Variants in ZNF615 observed in about 807,000 individuals in gnomAD.
ZNF615 encodes the protein zinc finger protein 615.
ZNF615 carries 15 observed loss-of-function variants against 15.3 expected under a neutral mutation model. That is an observed-to-expected ratio of 0.98 (90% CI 0.66 to 1.51). ZNF615 has a LOEUF of 1.51. Ranked by LOEUF, ZNF615 falls within the 40% of genes most tolerant of loss-of-function variation. The pLI is 0.00. For missense variants in ZNF615, 848 were observed against 895.9 expected (o/e 0.95, Z 0.68); for synonymous variants, 268 against 294.6 (o/e 0.91, Z 0.92).
Position 51,993,909 on chromosome 19 carries a change from T to C in ZNF615, c.1200A>G (p.Thr400=). ...KGFTLKNSLI[T]HQQTHTGEKL... is the part of the protein sequence containing the mutation. ...TCTCTCCTGTATGAGTTTGCTGATG[T>C]GTGATAAGACTGTTCTTCAAGGTGA... Residue 400 remains threonine (T), a synonymous_variant, in exon 7 of 7, where the codon ACA becomes ACG. Transcript: ENST00000598071. 3.1e-6 allele frequency: 5 copies of C among 1,614,164 alleles called. No homozygotes were observed. Among genetic ancestry groups the C allele is most frequent in the Non-Finnish European group, 4.2e-6 (5 of 1,180,012 alleles).
rs774667903 is a variant in ZNF615 at position 51,993,622 on chromosome 19, A to G, written c.1487T>C (p.Ile496Thr). 29 of 1,613,728 alleles carry G rather than the reference A, an allele frequency of 1.8e-5. No individual in the cohort carries two copies. In the Middle Eastern group the frequency reaches 4.9e-4, roughly 27 times the overall value. ...GAAGCCTTTTCCACAATCATTGCATATATATGGCTTCTCTGCAGTATGAGT... is the reference window on the plus strand; with the variant it reads ...GAAGCCTTTTCCACAATCATTGCATGTATATGGCTTCTCTGCAGTATGAGT... ...QRTHTAEKPY[I>T]CNDCGKGFTV... Residue 496 changes from isoleucine (I) to threonine (T), a missense_variant, in exon 7 of 7, where the codon ATA becomes ACA. By Grantham distance (89) the Ile-to-Thr change is moderately conservative. Coordinates refer to ENST00000598071, the MANE Select transcript of ZNF615 (RefSeq NM_001199324.2).
intron 6 of ZNF615, 29 bp downstream of exon 6, chr19:52,000,317 G>C (rs2086554474): frequency 1.7e-6 from 1 of 602,612 alleles, no homozygotes; most frequent in Non-Finnish European, 3.0e-6. Flanking sequence ...TGAATCCTCG[G>C]CATCAGGCAA....
chr19:52,001,616 C>CAAAAAA (rs200193378), intron 5 of ZNF615, among the ~76,000 whole-genome samples, 197 bp downstream of exon 5: 1 of 105,360 alleles, frequency 9.5e-6, no homozygotes, highest in Non-Finnish European at 2.2e-5. Flanking sequence ...GACTCCATCT[C>CAAAAAA]AAAAAAAAAA....
chr19:52,000,114 A>G, intron 6 of ZNF615: 1 of 379,954 alleles, frequency 2.6e-6, no homozygotes, highest in Non-Finnish European at 4.7e-6. Flanking sequence ...AAGTGAAATA[A>G]CTCAGAAACA....
intron 4 of ZNF615, 75 bp downstream of exon 4, chr19:52,002,080 A>G: frequency 6.2e-7 from 1 of 1,614,014 alleles, no homozygotes; most frequent in Non-Finnish European, 8.5e-7. Context: ...ACTTCAGAGT[A>G]CTGCAGGTAA....
Position 51,991,561 on chromosome 19 carries a change from A to G in ZNF615, c.*1319T>C, listed in dbSNP as rs1247306701. ...AAAAGGGTACATGCTGTATGATTCC[A>G]TTTTTATAACATGCTACTAATGACA... is the stretch of plus-strand genomic sequence containing the variant. On this transcript the variant is annotated 3_prime_UTR_variant, in exon 7 of 7. Transcript: ENST00000598071. 2.0e-5 allele frequency: 3 copies of G among 152,210 alleles called. No individual in the cohort carries two copies. The highest frequency in any genetic ancestry group is 7.2e-5 in the African/African-American group (3 of 41,448). 9.4% of individuals were successfully genotyped at this position (152,210 alleles called of 1,614,324 possible).
chr19:51,995,737 AT>A (rs1442818962), intron 6 of ZNF615, among the ~76,000 whole-genome samples: 2 of 151,700 alleles, frequency 1.3e-5, no homozygotes, highest in South Asian at 4.2e-4. Flanking sequence ...CACCCAGCTA[AT>A]TTTTTGTATT....
rs1324032167 is a variant in ZNF615 at position 51,993,091 on chromosome 19, A to T, written c.2018T>A (p.Leu673Ter). ...FACTECGKFSLRKNDLITHQR... is the reference protein window; with the variant it reads ...FACTECGKFS ...ATGTGTAATAAGATCATTTTTGCGC[A>T]AAGAGAATTTTCCACATTCAGTACA... is the stretch of plus-strand genomic sequence containing the variant. The change falls in exon 7 of 7, where the codon TTG (leucine) becomes TAG (stop). Residue 673 changes from leucine to a stop codon, truncating the protein, a stop_gained. Coordinates refer to ENST00000598071, the MANE Select transcript of ZNF615 (RefSeq NM_001199324.2). LOFTEE classifies it low-confidence loss of function (END_TRUNC). 3 of 1,614,044 alleles carry T rather than the reference A, an allele frequency of 1.9e-6. No individual in the cohort carries two copies. The highest frequency in any genetic ancestry group is 2.5e-6 in the Non-Finnish European group (3 of 1,180,020).
rs1384865814 is a variant in ZNF615 at position 51,993,885 on chromosome 19, C to T, written c.1224G>A (p.Glu408=). The part of the protein sequence containing the change: ...LITHQQTHTG[E]KLYTCSECGK... ...CACATTCACTACATGTATATAATTTCTCTCCTGTATGAGTTTGCTGATGTG... is the reference window on the plus strand; with the variant it reads ...CACATTCACTACATGTATATAATTTTTCTCCTGTATGAGTTTGCTGATGTG... The change falls in exon 7 of 7, where the codon GAG becomes GAA. Residue 408 remains glutamate, a synonymous_variant. Transcript: ENST00000598071. 8 of 1,614,014 alleles carry T rather than the reference C, an allele frequency of 5.0e-6. No individual in the cohort carries two copies. Among genetic ancestry groups the T allele is most frequent in the African/African-American group, 1.3e-5 (1 of 74,912 alleles).
At chr19:51,994,936 A>G (rs1190301024) in intron 6 of ZNF615, 99 bp from the exon 7 acceptor site, 3 of 1,099,928 alleles carry the variant, frequency 2.7e-6, no homozygotes, top group Non-Finnish European at 3.7e-6. Context: ...GTGACTCTTT[A>G]GTGAAAACCC....
Position 51,994,313 on chromosome 19 carries a change from T to C in ZNF615, c.796A>G (p.Thr266Ala). 6.2e-7 allele frequency: 1 copy of C among 1,614,200 alleles called. No homozygotes were observed. The highest frequency in any genetic ancestry group is 8.5e-7 in the Non-Finnish European group (1 of 1,180,022). ...SRLMDHQRTH[T>A]ELKHYECTEC... The stretch of plus-strand genomic sequence containing the variant: ...GTGCATTCATAATGTTTCAGTTCTG[T>C]ATGAGTTCTCTGATGGTCCATTAGT... The change falls in exon 7 of 7, where the codon ACA becomes GCA. Residue 266 changes from threonine (T) to alanine (A), a missense_variant. Thr to Ala is a moderately conservative substitution (Grantham distance 58). Coordinates refer to ENST00000598071, the MANE Select transcript of ZNF615 (RefSeq NM_001199324.2).
At position 51,994,042 on chromosome 19, in the gene ZNF615, A is replaced by C; in HGVS notation, c.1067T>G (p.Ile356Arg). ...GAAGCCTTTTCCACATTCACTACAT[A>C]TATAAGGTTTTTCTCCTGTATGAGT... ...QKTHTGEKPY[I>R]CSECGKGFIE... is the part of the protein sequence containing the mutation. Residue 356 changes from isoleucine to arginine, a missense_variant, in exon 7 of 7, where the codon ATA (isoleucine) becomes AGA (arginine). Physicochemically the swap from Ile to Arg is moderately conservative, Grantham distance 97 (BLOSUM62 -3). Transcript: ENST00000598071. 6.2e-7 allele frequency: 1 copy of C among 1,614,090 alleles called. No homozygotes were observed. The highest frequency in any genetic ancestry group is 8.5e-7 in the Non-Finnish European group (1 of 1,180,018).
chr19:51,999,374 G>A (rs1183237673), intron 6 of ZNF615, among the ~76,000 whole-genome samples: 3 of 152,046 alleles, frequency 2.0e-5, no homozygotes, highest in African/African-American at 7.2e-5. Context: ...AACTTCAAAT[G>A]GAAATTCAAA....
intron 2 of ZNF615, among the ~76,000 whole-genome samples, chr19:52,005,625 C>T (rs917474283): frequency 6.6e-6 from 1 of 152,106 alleles, no homozygotes; most frequent in Non-Finnish European, 1.5e-5. Flanking sequence ...TGAATTTGTG[C>T]AGAAAAGCCA....
intron 6 of ZNF615, among the ~76,000 whole-genome samples, chr19:51,996,977 C>A (rs555938905): frequency 6.6e-6 from 1 of 152,268 alleles, no homozygotes; most frequent in African/African-American, 2.4e-5. Flanking sequence ...TATTTCAAAA[C>A]AACATGTTTT....
intron 3 of ZNF615, among the ~76,000 whole-genome samples, chr19:52,002,796 A>G (rs2086639626): frequency 1.3e-5 from 2 of 151,788 alleles, no homozygotes; most frequent in African/African-American, 4.8e-5. Context: ...CACAAAGATT[A>G]TTAGATGATT....
chr19:52,003,764 C>T lies in ZNF615; in HGVS notation c.-53G>A. The T allele has an allele frequency of 6.3e-7, 1 of 1,599,664 alleles. No homozygotes were observed. The highest frequency in any genetic ancestry group is 8.5e-7 in the Non-Finnish European group (1 of 1,174,744). On this transcript the variant is annotated 5_prime_UTR_variant, in exon 3 of 7. Transcript: ENST00000598071. ...TAACTTGGACGTTCTGTATTTGTCT[C>T]TTCTGAATCAGCTCTAAATTTCGGT...
chr19:52,000,240 G>T, intron 6 of ZNF615, 106 bp downstream of exon 6: 3 of 480,690 alleles, frequency 6.2e-6, no homozygotes, highest in Non-Finnish European at 1.1e-5. Flanking sequence ...AGGGAGGAAG[G>T]CAAGGGTTGA....
At chr19:52,001,368 T>A (rs899617703) in intron 5 of ZNF615, among the ~76,000 whole-genome samples, 2 of 151,824 alleles carry the variant, frequency 1.3e-5, no homozygotes, top group Middle Eastern at 3.2e-3. Flanking sequence ...GCCTGTAATC[T>A]CAGCACTTTG....
Sources: gnomAD v4.1 joint callset for allele counts (sites outside exome capture counted in the v4.1 genomes callset) on GRCh38, gnomAD v4.1.1 for gene constraint, MANE v1.5 for transcripts, NCBI Gene and HGNC (gene_info 2026-07-23, HGNC 2026-07-21) for gene names.